The following TLN2 variants were observed in gnomAD, a reference collection of about 807,000 sequenced individuals.
TLN2 encodes talin 2, also known as talin-2.
Under a neutral mutation model 294.7 loss-of-function variants are expected in TLN2, and 118 were observed. The ratio of observed to expected loss-of-function variants is 0.40; its 90% confidence interval spans 0.34 to 0.47. TLN2 has a LOEUF of 0.47. Among genes scored for constraint, TLN2 ranks in the 20% least tolerant of loss-of-function variants. TLN2 has a pLI of 0.84. For synonymous variants in TLN2, 1,431 were observed against 1,304.5 expected, an observed-to-expected ratio of 1.10 and a Z score of -2.09; for missense variants, 3,083 against 3,282.2, an observed-to-expected ratio of 0.94 and a Z score of 1.48.
chr15:62,828,627 C>G (rs959349995), intron 54 of TLN2: 3 of 152,138 alleles, frequency 2.0e-5, no homozygotes, highest in Non-Finnish European at 2.9e-5. Flanking sequence ...CTCAAGGCCT[C>G]AAACAGGGCA....
intron 1 of TLN2, among the ~76,000 whole-genome samples, chr15:62,461,505 C>T (rs139860739): frequency 1.2e-4 from 18 of 152,304 alleles, no homozygotes; most frequent in African/African-American, 3.9e-4. Flanking sequence ...GTCTTCAACA[C>T]GGATGGGTTT....
chr15:62,588,971 T>C (rs1180899328), intron 1 of TLN2, among the ~76,000 whole-genome samples: 1 of 151,990 alleles, frequency 6.6e-6, no homozygotes, highest in Non-Finnish European at 1.5e-5. Flanking sequence ...TCCTAAATGC[T>C]AAACAACACC....
chr15:62,835,700 C>T (rs1315740338), intron 55 of TLN2, 37 bp from the exon 56 acceptor site: 3 of 1,613,152 alleles, frequency 1.9e-6, no homozygotes, highest in Non-Finnish European at 2.5e-6. Flanking sequence ...CTGGGGCTGC[C>T]TGCCCTCATG....
At chr15:62,468,837 A>G (rs1290834610) in intron 1 of TLN2, among the ~76,000 whole-genome samples, 1 of 152,140 alleles carries the variant, frequency 6.6e-6, no homozygotes, top group Non-Finnish European at 1.5e-5. Flanking sequence ...AATTCTTTAG[A>G]AATGAATGTC....
intron 1 of TLN2, among the ~76,000 whole-genome samples, chr15:62,529,520 C>A (rs1406704354): frequency 6.7e-6 from 1 of 150,368 alleles, no homozygotes; most frequent in Non-Finnish European, 1.5e-5. Flanking sequence ...CCTCCCTTGC[C>A]TCTCTTGTTT....
chr15:62,836,721 A>G (rs7162328), intron 57 of TLN2, among the ~76,000 whole-genome samples: 71 of 152,320 alleles, frequency 4.7e-4, no homozygotes, highest in African/African-American at 1.6e-3. Flanking sequence ...TATTTTAAAT[A>G]CAATAAAAGA....
intron 4 of TLN2, among the ~76,000 whole-genome samples, chr15:62,648,535 G>A (rs1315614933): frequency 7.0e-6 from 1 of 142,334 alleles, no homozygotes; most frequent in African/African-American, 2.6e-5. Flanking sequence ...ACGTGATGAT[G>A]ATGATGACGA....
chr15:62,452,166 G>A (rs1245319164), intron 1 of TLN2, among the ~76,000 whole-genome samples: 1 of 152,150 alleles, frequency 6.6e-6, no homozygotes, highest in Admixed American at 6.5e-5. Flanking sequence ...GAACAGTGGG[G>A]TTGTGAGGGT....
rs1446507333 is a variant in TLN2 at position 62,737,020 on chromosome 15, C to G, written c.3501C>G (p.Leu1167=). 3 of 1,614,226 alleles carry G rather than the reference C, an allele frequency of 1.9e-6. No individual in the cohort carries two copies. The highest frequency in any genetic ancestry group is 2.5e-6 in the Non-Finnish European group (3 of 1,180,054). ...ARDVMEGSAM[L]IQEAKQALIA... The stretch of plus-strand genomic sequence containing the variant: ...ACGTGATGGAGGGCTCCGCCATGCT[C>G]ATTCAAGAGGCCAAGCAGGCCCTGA... The change falls in exon 29 of 59, where the codon CTC becomes CTG. Residue 1167 remains leucine, a synonymous_variant. Transcript: ENST00000636159.
At chr15:62,449,992 T>G (rs575620603) in intron 1 of TLN2, among the ~76,000 whole-genome samples, 2 of 152,346 alleles carry the variant, frequency 1.3e-5, no homozygotes, top group South Asian at 4.1e-4. Flanking sequence ...CTGGTGGAAT[T>G]CTGCCACTGT....
intron 1 of TLN2, among the ~76,000 whole-genome samples, chr15:62,400,178 G>A (rs998976167): frequency 1.3e-5 from 2 of 152,196 alleles, no homozygotes; most frequent in Non-Finnish European, 2.9e-5. Flanking sequence ...CTGCCGCCAT[G>A]TGAAGAAGGA....
At position 62,616,252 on chromosome 15, in the gene TLN2, G is replaced by A. The variant is rs141194034; in HGVS notation, c.-161-2099G>A. On this transcript the variant is annotated intron_variant, in intron 2 of 58. Coordinates refer to ENST00000636159, the MANE Select transcript of TLN2 (RefSeq NM_015059.3). ...CCAGTGTGACTATGATACGATAGTTGGGTTATACGAATGCCCATATGAACA... is the reference window on the plus strand; with the variant it reads ...CCAGTGTGACTATGATACGATAGTTAGGTTATACGAATGCCCATATGAACA... Among the ~76,000 whole-genome samples the A allele has an allele frequency of 5.3e-3, 803 of 152,258 alleles. 7 individuals carry two copies. The highest frequency in any genetic ancestry group is 0.018 in the African/African-American group (762 of 41,532).
chr15:62,682,325 A>G (rs138204572), intron 11 of TLN2, among the ~76,000 whole-genome samples: 10 of 152,338 alleles, frequency 6.6e-5, no homozygotes, highest in African/African-American at 2.4e-4. Context: ...TAAAATTGGA[A>G]AATTCATTCT....
intron 3 of TLN2, among the ~76,000 whole-genome samples, chr15:62,628,020 T>C (rs956838369): frequency 1.2e-4 from 19 of 152,224 alleles, no homozygotes; most frequent in Non-Finnish European, 2.4e-4. Flanking sequence ...ACTGTCAACA[T>C]GGGAAGCAAA....
At chr15:62,723,004 G>C (rs1034166607) in intron 26 of TLN2, among the ~76,000 whole-genome samples, 26 of 152,334 alleles carry the variant, frequency 1.7e-4, no homozygotes, top group Non-Finnish European at 2.2e-4. Context: ...CAAGAGAACA[G>C]AGTTGAGGAC....
At chr15:62,665,269 C>T (rs1053768429) in intron 9 of TLN2, among the ~76,000 whole-genome samples, 5 of 152,014 alleles carry the variant, frequency 3.3e-5, no homozygotes, top group Non-Finnish European at 7.4e-5. Flanking sequence ...AAGCTGGTCT[C>T]GAACTCCTGG....
chr15:62,750,633 T>A (rs2061881619), intron 34 of TLN2, 142 bp downstream of exon 34: 1 of 710,936 alleles, frequency 1.4e-6, no homozygotes, highest in Non-Finnish European at 2.5e-6. Context: ...GTGGAGCCCT[T>A]TGCTCAGGAG....
intron 1 of TLN2, among the ~76,000 whole-genome samples, chr15:62,488,292 G>A (rs1052230361): frequency 6.6e-6 from 1 of 152,096 alleles, no homozygotes; most frequent in South Asian, 2.1e-4. Flanking sequence ...AGGAAGACAC[G>A]GTCCCTGATC....
At position 62,617,772 on chromosome 15, in the gene TLN2, G is replaced by T. The variant is rs533029277; in HGVS notation, c.-161-579G>T. 3.9e-5 allele frequency among the ~76,000 whole-genome samples: 6 copies of T among 152,290 alleles called. No individual in the cohort carries two copies. In the South Asian group the frequency reaches 1.2e-3, roughly 32 times the overall value. Reference sequence around the variant, plus strand: ...CTAAATCAAATGCATAGAGGAGAAGGATGTTAGTGCTGAAGATGTAAAAGG... The same window carrying T: ...CTAAATCAAATGCATAGAGGAGAAGTATGTTAGTGCTGAAGATGTAAAAGG... On this transcript the variant is annotated intron_variant, in intron 2 of 58. Coordinates refer to ENST00000636159, the MANE Select transcript of TLN2 (RefSeq NM_015059.3).
Sources: allele counts gnomAD v4.1 joint callset (sites outside exome capture counted in the v4.1 genomes callset), GRCh38; gene constraint gnomAD v4.1.1; transcripts MANE v1.5; gene names NCBI Gene and HGNC (gene_info 2026-07-23, HGNC 2026-07-21).